CLEC2A: variants seen among roughly 807,000 people sequenced by gnomAD.
The protein encoded by CLEC2A is C-type lectin domain family 2 member A, also known as keratinocyte-associated C-type lectin.
In CLEC2A, 19 loss-of-function variants were observed where a neutral mutation model predicts 18.6. That is an observed-to-expected ratio of 1.02 (90% CI 0.71 to 1.50). The LOEUF (loss-of-function observed/expected upper bound fraction) is 1.50. Among genes scored for constraint, CLEC2A ranks in the 40% most tolerant of loss-of-function variants. The pLI is 0.00. For missense variants in CLEC2A, 190 were observed against 207.9 expected (o/e 0.91, Z 0.53); for synonymous variants, 74 against 64.0 (o/e 1.16, Z -0.75).
At chr12:9,884,034 G>A in the CLEC2A span, among the ~76,000 whole-genome samples, 1 of 152,100 alleles carries the variant, frequency 6.6e-6, no homozygotes, top group East Asian at 1.9e-4. Flanking sequence ...CTGGCAAACT[G>A]ACTAAAATGA....
At chr12:9,927,668 T>C (rs983983697) in intron 1 of CLEC2A, among the ~76,000 whole-genome samples, 1 of 152,220 alleles carries the variant, frequency 6.6e-6, no homozygotes, top group Non-Finnish European at 1.5e-5. Context: ...CTAGTTTTCA[T>C]GATCACCAGA....
downstream of CLEC2A, among the ~76,000 whole-genome samples, chr12:9,912,005 C>A (rs963660853): frequency 6.6e-6 from 1 of 152,106 alleles, no homozygotes; most frequent in Non-Finnish European, 1.5e-5. Flanking sequence ...CCCCACAAAT[C>A]CTTTTTCACA....
intron 3 of CLEC2A, among the ~76,000 whole-genome samples, chr12:9,920,946 T>C (rs1863162354): frequency 6.6e-6 from 1 of 152,186 alleles, no homozygotes; most frequent in African/African-American, 2.4e-5. Flanking sequence ...CTTAATAATC[T>C]AAGAACATTT....
chr12:9,899,818 C>T (rs1351161508), intron 4 of CLEC2A, among the ~76,000 whole-genome samples: 2 of 152,220 alleles, frequency 1.3e-5, no homozygotes, highest in Non-Finnish European at 2.9e-5. Context: ...TCAGCAGGAA[C>T]CAGCCACACT....
intron 3 of CLEC2A, among the ~76,000 whole-genome samples, chr12:9,918,592 G>T (rs1047559757): frequency 1.3e-5 from 2 of 152,148 alleles, no homozygotes; most frequent in Non-Finnish European, 2.9e-5. Flanking sequence ...GCTCTTTTAT[G>T]ATTCCATATG....
chr12:9,900,161 G>C (rs1044365822), intron 4 of CLEC2A, among the ~76,000 whole-genome samples: 2 of 152,066 alleles, frequency 1.3e-5, no homozygotes, highest in African/African-American at 4.8e-5. Context: ...TTCCGTTGAT[G>C]GGCACCCTAT....
chr12:9,904,943 T>C (rs893356312), intron 4 of CLEC2A, among the ~76,000 whole-genome samples: 3 of 152,194 alleles, frequency 2.0e-5, no homozygotes, highest in African/African-American at 7.2e-5. Context: ...ATACTTATAC[T>C]TGGTTGACTC....
chr12:9,892,912 A>T, the CLEC2A span: 1 of 1,068,122 alleles, frequency 9.4e-7, no homozygotes, highest in South Asian at 1.7e-5. Flanking sequence ...CCAAAAAAAA[A>T]AAAATGAGTT....
chr12:9,916,980 A>AT (rs1442612680), intron 3 of CLEC2A, among the ~76,000 whole-genome samples, 177 bp from the exon 4 acceptor site: 2 of 152,262 alleles, frequency 1.3e-5, no homozygotes, highest in East Asian at 3.9e-4. Flanking sequence ...TATCAGAAAG[A>AT]TTTTCATTTT....
chr12:9,921,565 T>A (rs984085369), intron 3 of CLEC2A, among the ~76,000 whole-genome samples: 3 of 152,142 alleles, frequency 2.0e-5, no homozygotes, highest in Non-Finnish European at 2.9e-5. Flanking sequence ...CCAGCCTAGG[T>A]GCCAGAGTGA....
At chr12:9,923,031 T>G (rs942585911) in intron 2 of CLEC2A, among the ~76,000 whole-genome samples, 5 of 152,204 alleles carry the variant, frequency 3.3e-5, no homozygotes, top group African/African-American at 7.2e-5. Flanking sequence ...TTGTTGTGTT[T>G]TGTTTTGTTA....
chr12:9,883,986 G>T, the CLEC2A span, among the ~76,000 whole-genome samples: 1 of 152,128 alleles, frequency 6.6e-6, no homozygotes, highest in African/African-American at 2.4e-5. Context: ...AATTATCAGA[G>T]TATCTCAAAT....
chr12:9,926,386 C>T, intron 1 of CLEC2A, 43 bp from the exon 2 acceptor site: 1 of 1,210,734 alleles, frequency 8.3e-7, no homozygotes. Flanking sequence ...TCTGAATAAA[C>T]ACTGACTCGA....
chr12:9,897,357 A>C (rs1338220518), downstream of CLEC2A, among the ~76,000 whole-genome samples: 1 of 152,036 alleles, frequency 6.6e-6, no homozygotes, highest in Non-Finnish European at 1.5e-5. Context: ...TTTTAACAGA[A>C]AAACACAAAA....
At position 9,913,409 on chromosome 12, in the gene CLEC2A, G is replaced by T; in HGVS notation, c.*157C>A. 1 of 1,302,484 alleles carries T rather than the reference G, an allele frequency of 7.7e-7. No individual in the cohort carries two copies. Among genetic ancestry groups the T allele is most frequent in the Non-Finnish European group, 1.0e-6 (1 of 989,482 alleles). The allele number at this position is 1,302,484 out of a possible 1,614,324, so 80.7% of individuals were successfully genotyped here. On this transcript the variant is annotated 3_prime_UTR_variant, in exon 5 of 5. Coordinates refer to ENST00000455827, the MANE Select transcript of CLEC2A (RefSeq NM_001130711.2). ...GAACGGCCTTGTCTCTTTAACCATGGCAGGGCACAGCAAGAAGTTTCCATC... is the reference window on the plus strand; with the variant it reads ...GAACGGCCTTGTCTCTTTAACCATGTCAGGGCACAGCAAGAAGTTTCCATC...
the CLEC2A span, chr12:9,893,618 C>G: frequency 2.0e-6 from 1 of 512,220 alleles, no homozygotes; most frequent in African/African-American, 2.0e-5. Context: ...ACTTTCCATT[C>G]TTTTTTCCTT....
the CLEC2A span, among the ~76,000 whole-genome samples, chr12:9,888,494 A>G: frequency 1.3e-4 from 20 of 152,054 alleles, no homozygotes; most frequent in East Asian, 7.7e-4. Flanking sequence ...TGTCTCAAAA[A>G]AAAAATAAAA....
At chr12:9,929,936 T>G (rs1046186665) in intron 1 of CLEC2A, among the ~76,000 whole-genome samples, 2 of 152,188 alleles carry the variant, frequency 1.3e-5, no homozygotes, top group Non-Finnish European at 2.9e-5. Context: ...ATTTTATATT[T>G]TTTAGACCTC....
At chr12:9,903,209 A>AT (rs1185091958) in intron 4 of CLEC2A, among the ~76,000 whole-genome samples, 1 of 151,854 alleles carries the variant, frequency 6.6e-6, no homozygotes, top group East Asian at 1.9e-4. Context: ...TCCTCTTCAA[A>AT]TTTTTCTAAC....
Sources: allele counts gnomAD v4.1 joint callset (sites outside exome capture counted in the v4.1 genomes callset), GRCh38; gene constraint gnomAD v4.1.1; transcripts MANE v1.5; gene names NCBI Gene and HGNC (gene_info 2026-07-23, HGNC 2026-07-21).